COL4A1: variants seen among roughly 807,000 people sequenced by gnomAD.
COL4A1 encodes the protein collagen type IV alpha 1 chain.
In COL4A1, 40 loss-of-function variants were observed where a neutral mutation model predicts 216.6. That is an observed-to-expected ratio of 0.18 (90% CI 0.14 to 0.24). The LOEUF is 0.24. Among genes scored for constraint, COL4A1 ranks in the 10% least tolerant of loss-of-function variants. The probability of loss-of-function intolerance (pLI) is 1.00; values close to 1 mark genes in which losing one functional copy is unlikely to be tolerated. For synonymous variants in COL4A1, 839 were observed against 810.7 expected (o/e 1.03, Z -0.59); for missense variants, 1,628 against 2,196.8 (o/e 0.74, Z 5.18).
At chr13:110,164,446 G>A (rs1877238742) in intron 46 of COL4A1, among the ~76,000 whole-genome samples, 1 of 152,132 alleles carries the variant, frequency 6.6e-6, no homozygotes, top group Admixed American at 6.5e-5. Flanking sequence ...AGGGTTTCAG[G>A]AAATAACAGA....
chr13:110,172,673 G>C (rs371358684), intron 41 of COL4A1, 47 bp downstream of exon 41: 70 of 1,567,454 alleles, frequency 4.5e-5, no homozygotes, highest in Non-Finnish European at 6.2e-5. Context: ...TGCTAATCAG[G>C]CAGCAGCGGT....
At chr13:110,205,873 A>ATT (rs1161971040) in intron 15 of COL4A1, among the ~76,000 whole-genome samples, 1 of 151,878 alleles carries the variant, frequency 6.6e-6, no homozygotes, top group Admixed American at 6.6e-5. Flanking sequence ...AAATATATAT[A>ATT]TATGTATATA....
chr13:110,283,630 C>T (rs969018862), intron 1 of COL4A1, among the ~76,000 whole-genome samples: 13 of 152,312 alleles, frequency 8.5e-5, no homozygotes, highest in African/African-American at 2.9e-4. Flanking sequence ...AATGCACACT[C>T]AGGCACATGC....
intron 14 of COL4A1, 34 bp downstream of exon 14, chr13:110,206,831 A>C (rs924528207): frequency 3.1e-6 from 5 of 1,613,846 alleles, no homozygotes; most frequent in Non-Finnish European, 4.2e-6. Flanking sequence ...ATGGTCTTTG[A>C]CCTAAAAATG....
At chr13:110,279,949 C>G (rs1337923654) in intron 1 of COL4A1, among the ~76,000 whole-genome samples, 4 of 152,208 alleles carry the variant, frequency 2.6e-5, no homozygotes, top group Non-Finnish European at 5.9e-5. Flanking sequence ...CACGTTGCAC[C>G]TGCTTTAGGT....
At chr13:110,288,274 A>AAT (rs1555316111) in intron 1 of COL4A1, among the ~76,000 whole-genome samples, 5,794 of 139,350 alleles carry the variant, frequency 0.042, 158 homozygotes, top group Non-Finnish European at 0.058. Flanking sequence ...AAAAAAAAAA[A>AAT]AATAATAATA....
At chr13:110,232,758 T>C (rs1172118685) in intron 2 of COL4A1, among the ~76,000 whole-genome samples, 1 of 152,176 alleles carries the variant, frequency 6.6e-6, no homozygotes, top group African/African-American at 2.4e-5. Flanking sequence ...TTCGAGATAC[T>C]TCATTTTCTG....
At chr13:110,236,715 G>T (rs1004037355) in intron 2 of COL4A1, among the ~76,000 whole-genome samples, 1 of 152,228 alleles carries the variant, frequency 6.6e-6, no homozygotes, top group Non-Finnish European at 1.5e-5. Flanking sequence ...CGAAAGGCAG[G>T]GGCTGTGGGG....
At chr13:110,193,516 C>A (rs1161924746) in intron 22 of COL4A1, among the ~76,000 whole-genome samples, 1 of 152,240 alleles carries the variant, frequency 6.6e-6, no homozygotes, top group East Asian at 1.9e-4. Flanking sequence ...CTTACATTGT[C>A]TTAGCTATTC....
chr13:110,204,826 C>A (rs539572643), intron 17 of COL4A1, among the ~76,000 whole-genome samples: 1 of 152,180 alleles, frequency 6.6e-6, no homozygotes, highest in Admixed American at 6.5e-5. Flanking sequence ...AGCAAAAATA[C>A]TTGTAAGCAT....
chr13:110,179,017 T>G lies in COL4A1; in HGVS notation c.2364A>C (p.Gly788=). The G allele has an allele frequency of 6.2e-7, 1 of 1,611,064 alleles. No homozygotes were observed. Among genetic ancestry groups the G allele is most frequent in the Non-Finnish European group, 8.5e-7 (1 of 1,179,108 alleles). The change falls in exon 31 of 52, where the codon GGA becomes GGC. Residue 788 remains glycine, a synonymous_variant. Coordinates refer to ENST00000375820, the MANE Select transcript of COL4A1 (RefSeq NM_001845.6). ...CTGGAGACCCCACGGAGCCTGGCAA[T>G]CCAGGAGGTCCCGGTTCACCTGGAG... The part of the protein sequence containing the change: ...QGIRGEPGPP[G]LPGSVGSPGV...
chr13:110,163,037 G>A (rs141685246), intron 47 of COL4A1, among the ~76,000 whole-genome samples: 8 of 152,330 alleles, frequency 5.3e-5, no homozygotes, highest in African/African-American at 1.7e-4. Context: ...TCAGCCTTTT[G>A]CATCATAGCC....
intron 47 of COL4A1, among the ~76,000 whole-genome samples, chr13:110,162,688 C>T (rs898550548): frequency 6.6e-6 from 1 of 151,824 alleles, no homozygotes; most frequent in Non-Finnish European, 1.5e-5. Flanking sequence ...GCACAGTTCT[C>T]GGTGCAGAGC....
chr13:110,217,075 C>G (rs6492246), intron 2 of COL4A1, among the ~76,000 whole-genome samples: 4 of 151,972 alleles, frequency 2.6e-5, no homozygotes, highest in Admixed American at 6.6e-5. Context: ...ATTTTTTTAA[C>G]GTTCTTAATC....
chr13:110,188,245 C>T (rs1878486449), intron 24 of COL4A1, among the ~76,000 whole-genome samples: 1 of 152,258 alleles, frequency 6.6e-6, no homozygotes, highest in Non-Finnish European at 1.5e-5. Context: ...GCACAATTCA[C>T]TTAATGTGAA....
rs1427922815 is a variant in COL4A1 at position 110,212,579 on chromosome 13, G to C, written c.319C>G (p.Leu107Val). 6.2e-7 allele frequency: 1 copy of C among 1,614,080 alleles called. No individual in the cohort carries two copies. The highest frequency in any genetic ancestry group is 1.3e-5 in the African/African-American group (1 of 74,932). The stretch of plus-strand genomic sequence containing the variant: ...AGCACGTTTTCTATACATACGGGAA[G>C]TCCTGGGTTTCCAGGGTAGCCAGAT... ...GASGYPGNPGLPGIPGQDGPP... is the reference protein window; with the variant it reads ...GASGYPGNPGVPGIPGQDGPP... The change falls in exon 5 of 52, where the codon CTT (leucine) becomes GTT (valine). Residue 107 changes from leucine to valine, a missense_variant. By Grantham distance (32) the Leu-to-Val change is conservative (BLOSUM62 1). Around this residue, in one of 8 missense-constraint regions of COL4A1, gnomAD observed 150 missense variants for 211.9 expected, o/e 0.71. Coordinates refer to ENST00000375820, the MANE Select transcript of COL4A1 (RefSeq NM_001845.6).
At chr13:110,181,227 T>G in intron 29 of COL4A1, 65 bp downstream of exon 29, 1 of 1,532,444 alleles carries the variant, frequency 6.5e-7, no homozygotes, top group Non-Finnish European at 9.0e-7. Flanking sequence ...CAACCTGCAT[T>G]TTTTCCATCC....
At chr13:110,257,275 C>T (rs187533005) in intron 1 of COL4A1, among the ~76,000 whole-genome samples, 2 of 152,164 alleles carry the variant, frequency 1.3e-5, no homozygotes, top group South Asian at 2.1e-4. Flanking sequence ...AGAGATCCTG[C>T]GGCAAACCTT....
intron 50 of COL4A1, 86 bp from the exon 51 acceptor site, chr13:110,152,592 G>T: frequency 6.8e-7 from 1 of 1,468,486 alleles, no homozygotes; most frequent in Non-Finnish European, 9.2e-7. Context: ...AGGCGCCAGG[G>T]TGTTCCCTCT....
Sources: gnomAD v4.1 joint callset for allele counts (sites outside exome capture counted in the v4.1 genomes callset) on GRCh38, gnomAD v4.1.1 for gene constraint, gnomAD v4.1.1 regional missense constraint, MANE v1.5 for transcripts, NCBI Gene and HGNC (gene_info 2026-07-23, HGNC 2026-07-21) for gene names.